PHOSPHO2: variants seen among roughly 807,000 people sequenced by gnomAD.
PHOSPHO2 encodes phosphatase, orphan 2.
Under a neutral mutation model 16.4 loss-of-function variants are expected in PHOSPHO2, and 14 were observed. The observed-to-expected ratio is 0.85, with a 90% CI of 0.56 to 1.33. PHOSPHO2 has a LOEUF of 1.33. PHOSPHO2 is among the 40% of genes most tolerant of loss of function. The probability of loss-of-function intolerance (pLI) is 0.00; values close to 1 mark genes in which losing one functional copy is unlikely to be tolerated. For missense variants in PHOSPHO2, 246 were observed against 282.5 expected, an observed-to-expected ratio of 0.87 and a Z score of 0.93; for synonymous variants, 85 against 90.5, an observed-to-expected ratio of 0.94 and a Z score of 0.34.
At position 169,694,567 on chromosome 2, in the gene PHOSPHO2, G is replaced by A. The variant is rs1368077833; in HGVS notation, c.-286G>A. The A allele has an allele frequency of 8.5e-6, 5 of 586,174 alleles. No homozygotes were observed. The highest frequency in any genetic ancestry group is 1.5e-5 in the Non-Finnish European group (5 of 327,748). The allele number at this position is 586,174 out of a possible 1,614,324, so 36.3% of individuals were successfully genotyped here. A position where few individuals can be genotyped will look rare whatever the true frequency, so the allele number is the denominator to read the frequency against. ...GGGCAGGCGTGGGGCGAGGCCAAAG[G>A]ACTGAACCCGCAGGAGCGTCACGGG... On this transcript the variant is annotated 5_prime_UTR_variant, in exon 1 of 4. Transcript: ENST00000359744.
At chr2:169,695,725 A>G (rs531441989) in intron 2 of PHOSPHO2, among the ~76,000 whole-genome samples, 9 of 152,320 alleles carry the variant, frequency 5.9e-5, no homozygotes, top group Middle Eastern at 6.8e-3. Context: ...TTCATGGAAG[A>G]CACAAGACTA....
At position 169,701,339 on chromosome 2, in the gene PHOSPHO2, C is replaced by G. The variant is rs772970626; in HGVS notation, c.368C>G (p.Thr123Arg). The change falls in exon 4 of 4, where the codon ACA becomes AGA. Residue 123 changes from threonine (T) to arginine (R), a missense_variant. Thr to Arg is a moderately conservative substitution (Grantham distance 71). Coordinates refer to ENST00000359744, the MANE Select transcript of PHOSPHO2 (RefSeq NM_001008489.4). ...SFHDIFDKVF[T>R]NPAAFNSNGH... is the part of the protein sequence containing the mutation. ...CATGACATATTTGATAAAGTGTTTA[C>G]AAATCCAGCAGCTTTTAATAGCAAT... is the stretch of plus-strand genomic sequence containing the variant. 2 of 1,613,070 alleles carry G rather than the reference C, an allele frequency of 1.2e-6. No individual in the cohort carries two copies. Among genetic ancestry groups the G allele is most frequent in the Non-Finnish European group, 1.7e-6 (2 of 1,179,688 alleles).
chr2:169,694,593 C>A lies in PHOSPHO2; in HGVS notation c.-260C>A. 3.6e-6 allele frequency: 2 copies of A among 559,084 alleles called. No homozygotes were observed. Among genetic ancestry groups the A allele is most frequent in the South Asian group, 4.1e-5 (2 of 49,074 alleles). 34.6% of individuals were successfully genotyped at this position (559,084 alleles called of 1,614,324 possible). A position where few individuals can be genotyped will look rare whatever the true frequency, so the allele number is the denominator to read the frequency against. On this transcript the variant is annotated 5_prime_UTR_variant, in exon 1 of 4. Coordinates refer to ENST00000359744, the MANE Select transcript of PHOSPHO2 (RefSeq NM_001008489.4). ...ACTGAACCCGCAGGAGCGTCACGGGCGCCGGGGCGGCTGCCGACGGCGGGA... is the reference window on the plus strand; with the variant it reads ...ACTGAACCCGCAGGAGCGTCACGGGAGCCGGGGCGGCTGCCGACGGCGGGA...
intron 3 of PHOSPHO2, among the ~76,000 whole-genome samples, chr2:169,699,895 ATTTG>A (rs1343193229): frequency 6.6e-6 from 1 of 151,934 alleles, no homozygotes; most frequent in African/African-American, 2.4e-5. Flanking sequence ...TTTCTTGTAA[ATTTG>A]TTTAAGTTCC....
In PHOSPHO2 at chr2:169,700,927, A is replaced by G; in HGVS notation, c.-26-19A>G. 6.5e-7 allele frequency: 1 copy of G among 1,530,776 alleles called. No homozygotes were observed. The highest frequency in any genetic ancestry group is 8.7e-7 in the Non-Finnish European group (1 of 1,147,394). The allele number at this position is 1,530,776 out of a possible 1,614,324, so 94.8% of individuals were successfully genotyped here. ...TGTAAACAGAGTTTGTTTAGGGAAT[A>G]ATATTTCTTCTTTTTCAGGGTAATC... is the stretch of plus-strand genomic sequence containing the variant. On this transcript the variant is annotated intron_variant, in intron 3 of 3. Coordinates refer to ENST00000359744, the MANE Select transcript of PHOSPHO2 (RefSeq NM_001008489.4).
At chr2:169,694,660 A>G in intron 1 of PHOSPHO2, 38 bp downstream of exon 1, 1 of 432,966 alleles carries the variant, frequency 2.3e-6, no homozygotes, top group Non-Finnish European at 4.3e-6. Context: ...CCTGCCTGCT[A>G]CTCCCATCCC....
intron 3 of PHOSPHO2, among the ~76,000 whole-genome samples, chr2:169,699,861 ACTT>A (rs1302008537): frequency 6.6e-6 from 1 of 151,978 alleles, no homozygotes; most frequent in Admixed American, 6.6e-5. Flanking sequence ...GTCTTTGCCC[ACTT>A]CTTAATGGGG....
rs73971684 is a variant in PHOSPHO2, at chr2:169,698,869, C to G, written c.-27+1338C>G. Among the ~76,000 whole-genome samples, 1,430 of 152,258 alleles carry G rather than the reference C, an allele frequency of 9.4e-3. 28 individuals are homozygous for G. The highest frequency in any genetic ancestry group is 0.032 in the African/African-American group (1,330 of 41,544). Reference sequence around the variant, plus strand: ...TAAATAAACATGTGAAAACTCTTAACCAAGTTACTTCTAGTTTGGAAGAAT... The same window carrying G: ...TAAATAAACATGTGAAAACTCTTAAGCAAGTTACTTCTAGTTTGGAAGAAT... On this transcript the variant is annotated intron_variant, in intron 3 of 3. Coordinates refer to ENST00000359744, the MANE Select transcript of PHOSPHO2 (RefSeq NM_001008489.4).
At position 169,699,206 on chromosome 2, in the gene PHOSPHO2, T is replaced by A. The variant is rs548365275; in HGVS notation, c.-27+1675T>A. Among the ~76,000 whole-genome samples, 56 of 146,330 alleles carry A rather than the reference T, an allele frequency of 3.8e-4. No individual in the cohort carries two copies. In the South Asian group the frequency reaches 6.8e-3, roughly 18 times the overall value. The stretch of plus-strand genomic sequence containing the variant: ...ACCCTCTGACAGGTCCCAGGGTATG[T>A]TATTCCCTTCCACGTGTTCTCATGA... On this transcript the variant is annotated intron_variant, in intron 3 of 3. Transcript: ENST00000359744.
chr2:169,697,851 C>T (rs932572803), intron 3 of PHOSPHO2: 1 of 152,172 alleles, frequency 6.6e-6, no homozygotes, highest in African/African-American at 2.4e-5. Context: ...TTATTTATTA[C>T]ATTGTTTCTG....
intron 2 of PHOSPHO2, among the ~76,000 whole-genome samples, chr2:169,695,845 A>G (rs756214920): frequency 3.3e-4 from 50 of 152,134 alleles, no homozygotes; most frequent in Non-Finnish European, 6.0e-4. Flanking sequence ...GCAAGAAGTC[A>G]CCTAGATGTA....
intron 3 of PHOSPHO2, among the ~76,000 whole-genome samples, chr2:169,699,677 C>T (rs1279893209): frequency 1.3e-5 from 2 of 152,152 alleles, no homozygotes; most frequent in African/African-American, 4.8e-5. Context: ...TCTCCACAAC[C>T]TTGCCAGCAT....
chr2:169,701,272 A>T lies in PHOSPHO2; in HGVS notation c.301A>T (p.Asn101Tyr). ...TGACTGCATTATTATTTCAGATTCAAATTCGGTCTTCATAGATTGGGTTTT... is the reference window on the plus strand; with the variant it reads ...TGACTGCATTATTATTTCAGATTCATATTCGGTCTTCATAGATTGGGTTTT... ...KFDCIIISDS[N>Y]SVFIDWVLEA... The change falls in exon 4 of 4, where the codon AAT becomes TAT. Residue 101 changes from asparagine to tyrosine, a missense_variant. By Grantham distance (143) the Asn-to-Tyr change is moderately radical. Coordinates refer to ENST00000359744, the MANE Select transcript of PHOSPHO2 (RefSeq NM_001008489.4). The T allele has an allele frequency of 6.2e-7, 1 of 1,613,588 alleles. No individual in the cohort carries two copies. The highest frequency in any genetic ancestry group is 8.5e-7 in the Non-Finnish European group (1 of 1,179,784).
intron 2 of PHOSPHO2, among the ~76,000 whole-genome samples, chr2:169,697,157 A>G (rs1390679435): frequency 6.6e-6 from 1 of 152,022 alleles, no homozygotes; most frequent in Non-Finnish European, 1.5e-5. Context: ...CTAGGACTAC[A>G]GGTGCCCGCC....
At chr2:169,695,419 G>A (rs944390400) in intron 2 of PHOSPHO2, among the ~76,000 whole-genome samples, 172 bp downstream of exon 2, 26 of 152,166 alleles carry the variant, frequency 1.7e-4, no homozygotes, top group Non-Finnish European at 7.4e-5. Context: ...GGCGGATCAC[G>A]AGGTCAGGAG....
Position 169,701,280 on chromosome 2 carries a change from C to G in PHOSPHO2, c.309C>G (p.Val103=). 1 of 1,613,314 alleles carries G rather than the reference C, an allele frequency of 6.2e-7. No individual in the cohort carries two copies. Among genetic ancestry groups the G allele is most frequent in the African/African-American group, 1.3e-5 (1 of 74,998 alleles). Residue 103 remains valine (V), a synonymous_variant, in exon 4 of 4, where the codon GTC becomes GTG. Transcript: ENST00000359744. ...DCIIISDSNS[V]FIDWVLEAAS... ...TTATTATTTCAGATTCAAATTCGGTCTTCATAGATTGGGTTTTAGAAGCTG... is the reference window on the plus strand; with the variant it reads ...TTATTATTTCAGATTCAAATTCGGTGTTCATAGATTGGGTTTTAGAAGCTG...
chr2:169,698,837 G>A (rs1323424392), intron 3 of PHOSPHO2, among the ~76,000 whole-genome samples: 1 of 152,054 alleles, frequency 6.6e-6, no homozygotes, highest in Non-Finnish European at 1.5e-5. Flanking sequence ...ACTATCTAGA[G>A]CAGCTATAAA....
At chr2:169,700,918 T>G (rs1687730698) in intron 3 of PHOSPHO2, 28 bp from the exon 4 acceptor site, 17 of 1,512,552 alleles carry the variant, frequency 1.1e-5, no homozygotes, top group Non-Finnish European at 1.4e-5. Flanking sequence ...CAGAGTTTGT[T>G]TAGGGAATAA....
intron 2 of PHOSPHO2, among the ~76,000 whole-genome samples, chr2:169,697,159 G>A (rs1687572472): frequency 6.6e-6 from 1 of 151,978 alleles, no homozygotes; most frequent in African/African-American, 2.4e-5. Flanking sequence ...AGGACTACAG[G>A]TGCCCGCCAC....
Sources: allele counts gnomAD v4.1 joint callset (sites outside exome capture counted in the v4.1 genomes callset), GRCh38; gene constraint gnomAD v4.1.1; transcripts MANE v1.5; gene names NCBI Gene and HGNC (gene_info 2026-07-23, HGNC 2026-07-21).